BABAM2: variants seen among roughly 807,000 people sequenced by gnomAD.
BABAM2 encodes the protein BRISC and BRCA1 A complex member 2.
In BABAM2, 31 loss-of-function variants were observed where a neutral mutation model predicts 54.7. The observed-to-expected ratio is 0.57, with a 90% CI of 0.43 to 0.77. BABAM2 has a LOEUF of 0.77. BABAM2 is among the 30% of genes least tolerant of loss of function. The pLI is 0.00. For missense variants in BABAM2, 364 were observed against 455.8 expected, an observed-to-expected ratio of 0.80 and a Z score of 1.83; for synonymous variants, 167 against 162.9, an observed-to-expected ratio of 1.03 and a Z score of -0.19.
chr2:27,923,441 A>G (rs911139138), intron 2 of BABAM2, among the ~76,000 whole-genome samples: 46 of 151,930 alleles, frequency 3.0e-4, no homozygotes, highest in African/African-American at 1.1e-3. Context: ...CAAAGCCCTG[A>G]GACCCTGTCT....
At chr2:27,938,133 C>T (rs1053677768) in intron 3 of BABAM2, among the ~76,000 whole-genome samples, 6 of 152,044 alleles carry the variant, frequency 3.9e-5, no homozygotes. Flanking sequence ...GGTTTTATTT[C>T]TGGGCTTTCC....
At chr2:28,194,105 G>A (rs1261416886) in intron 7 of BABAM2, among the ~76,000 whole-genome samples, 3 of 152,148 alleles carry the variant, frequency 2.0e-5, no homozygotes, top group South Asian at 2.1e-4. Flanking sequence ...GGAACAGCAC[G>A]TGCAGAATGC....
At chr2:28,253,301 T>C (rs914869144) in intron 10 of BABAM2, among the ~76,000 whole-genome samples, 1 of 150,330 alleles carries the variant, frequency 6.7e-6, no homozygotes. Flanking sequence ...ACTCAGGAGG[T>C]TGAGGCATGA....
chr2:27,967,621 A>G (rs576383917), intron 3 of BABAM2, among the ~76,000 whole-genome samples: 7 of 152,184 alleles, frequency 4.6e-5, no homozygotes, highest in Non-Finnish European at 1.0e-4. Context: ...AGAGATTGGA[A>G]CAGTTTGGAG....
intron 10 of BABAM2, among the ~76,000 whole-genome samples, chr2:28,247,316 A>G (rs1442810569): frequency 2.6e-5 from 4 of 152,212 alleles, no homozygotes; most frequent in Non-Finnish European, 5.9e-5. Context: ...CTGTCTTTAA[A>G]TAAATTATTT....
At chr2:27,912,143 GAA>G in intron 2 of BABAM2, among the ~76,000 whole-genome samples, 1 of 152,176 alleles carries the variant, frequency 6.6e-6, no homozygotes. Context: ...TATGGAAAGG[GAA>G]TACAATTTCA....
At chr2:28,334,286 C>G (rs1370576993) in intron 11 of BABAM2, among the ~76,000 whole-genome samples, 1 of 152,272 alleles carries the variant, frequency 6.6e-6, no homozygotes, top group Non-Finnish European at 1.5e-5. Context: ...AAAGACTAAG[C>G]TGATGAGGCT....
chr2:27,947,086 T>C (rs1219941471), intron 3 of BABAM2, among the ~76,000 whole-genome samples: 1 of 152,182 alleles, frequency 6.6e-6, no homozygotes, highest in Non-Finnish European at 1.5e-5. Flanking sequence ...TATATTTCAT[T>C]GTTTTCTGCT....
At chr2:28,024,478 A>G (rs1338270672) in intron 4 of BABAM2, among the ~76,000 whole-genome samples, 3 of 152,182 alleles carry the variant, frequency 2.0e-5, no homozygotes, top group Non-Finnish European at 4.4e-5. Context: ...TTGAGTACAC[A>G]TGCTTTCAAT....
chr2:28,026,813 A>G (rs1447463817), intron 5 of BABAM2, among the ~76,000 whole-genome samples: 6 of 94,714 alleles, frequency 6.3e-5, no homozygotes, highest in Admixed American at 6.3e-4. Flanking sequence ...AAAATATATA[A>G]ATATATATTT....
upstream of BABAM2, chr2:27,889,836 CA>C (rs1664675824): frequency 6.1e-6 from 1 of 163,532 alleles, no homozygotes; most frequent in South Asian, 1.8e-4. Context: ...TTACGCTTGA[CA>C]AAACACTTTA....
At chr2:28,287,905 G>A (rs1363144589) in intron 10 of BABAM2, among the ~76,000 whole-genome samples, 2 of 152,178 alleles carry the variant, frequency 1.3e-5, no homozygotes, top group African/African-American at 2.4e-5. Context: ...CTGGAACAGA[G>A]AATCTGCTCA....
chr2:28,287,652 G>A (rs1686935319), intron 10 of BABAM2, among the ~76,000 whole-genome samples: 1 of 152,214 alleles, frequency 6.6e-6, no homozygotes, highest in Admixed American at 6.5e-5. Flanking sequence ...ATGCAAGGAA[G>A]GCTTCCTGGA....
intron 2 of BABAM2, among the ~76,000 whole-genome samples, chr2:27,915,880 C>T (rs1271824968): frequency 6.6e-6 from 1 of 152,082 alleles, no homozygotes; most frequent in Non-Finnish European, 1.5e-5. Flanking sequence ...TTTCTTCTCC[C>T]CATCTCCCTA....
rs917112643 is a variant in BABAM2 at position 27,938,352 on chromosome 2, G to C, written c.205+8444G>C. 5.3e-5 allele frequency among the ~76,000 whole-genome samples: 8 copies of C among 151,576 alleles called. No individual in the cohort carries two copies. The East Asian group carries it at 5.8e-4, about 11-fold the overall frequency. On this transcript the variant is annotated intron_variant, in intron 3 of 11. Coordinates refer to ENST00000379624, the MANE Select transcript of BABAM2 (RefSeq NM_199191.3). ...AATTGAAAGGTTATATAGTTTTACA[G>C]ACTCTTGGAAGATAACTATCACAGC... is the stretch of plus-strand genomic sequence containing the variant.
chr2:28,041,162 C>T (rs1474298430), intron 5 of BABAM2, among the ~76,000 whole-genome samples: 1 of 152,156 alleles, frequency 6.6e-6, no homozygotes, highest in Non-Finnish European at 1.5e-5. Context: ...TCCTACATTT[C>T]ACTTTTGTTG....
At chr2:28,071,832 T>TA (rs1224139779) in intron 6 of BABAM2, among the ~76,000 whole-genome samples, 1 of 152,232 alleles carries the variant, frequency 6.6e-6, no homozygotes, top group Admixed American at 6.5e-5. Flanking sequence ...GGTTTCAACT[T>TA]ACTGCAATTC....
At chr2:28,013,541 C>T (rs892210693) in intron 4 of BABAM2, among the ~76,000 whole-genome samples, 1 of 151,846 alleles carries the variant, frequency 6.6e-6, no homozygotes, top group East Asian at 1.9e-4. Flanking sequence ...ATATGTCCTC[C>T]TCAAGAATAT....
At chr2:28,026,903 TATAA>T (rs1377939240) in intron 5 of BABAM2, among the ~76,000 whole-genome samples, 1 of 52,346 alleles carries the variant, frequency 1.9e-5, no homozygotes, top group African/African-American at 7.1e-5. Flanking sequence ...TATAAATATA[TATAA>T]ATATATATTA....
Sources: allele counts gnomAD v4.1 joint callset (sites outside exome capture counted in the v4.1 genomes callset), GRCh38; gene constraint gnomAD v4.1.1; transcripts MANE v1.5; gene names NCBI Gene and HGNC (gene_info 2026-07-23, HGNC 2026-07-21).